SOX5: variants seen among roughly 807,000 people sequenced by gnomAD.
The protein encoded by SOX5 is SRY-box transcription factor 5.
SOX5 carries 9 observed loss-of-function variants against 92.0 expected under a neutral mutation model. The observed-to-expected ratio is 0.10, with a 90% CI of 0.06 to 0.17. The LOEUF (loss-of-function observed/expected upper bound fraction) is 0.17. Ranked by LOEUF, SOX5 falls within the 10% of genes least tolerant of loss-of-function variation. SOX5 has a pLI of 1.00. For missense variants in SOX5, 642 were observed against 944.5 expected (o/e 0.68, Z 4.20); for synonymous variants, 344 against 336.3 (o/e 1.02, Z -0.25).
At chr12:24,239,436 A>AT (rs965133770) in intron 3 of SOX5, among the ~76,000 whole-genome samples, 3 of 152,068 alleles carry the variant, frequency 2.0e-5, no homozygotes, top group Non-Finnish European at 4.4e-5. Flanking sequence ...ATATTCCGAT[A>AT]TTTTTTTCCC....
chr12:23,604,312 A>G lies in SOX5; in HGVS notation c.1164+75T>C, dbSNP rs542570239. 2.0e-5 allele frequency: 30 copies of G among 1,526,828 alleles called. No individual in the cohort carries two copies. In the East Asian group the frequency reaches 6.6e-4, roughly 33 times the overall value. 94.6% of individuals were successfully genotyped at this position (1,526,828 alleles called of 1,614,324 possible). On this transcript the variant is annotated intron_variant, in intron 9 of 14. Coordinates refer to ENST00000451604, the MANE Select transcript of SOX5 (RefSeq NM_006940.6). ...GAGTTTAAGCTAGCTGCTGGCATAC[A>G]ATAGACATTTAATAAATACCATTGA... is the stretch of plus-strand genomic sequence containing the variant.
At chr12:23,547,935 A>G (rs997682551) in intron 11 of SOX5, among the ~76,000 whole-genome samples, 8 of 152,124 alleles carry the variant, frequency 5.3e-5, no homozygotes, top group Non-Finnish European at 1.2e-4. Flanking sequence ...AGCTGAGCTC[A>G]GGAGCATCAA....
chr12:23,537,832 G>T (rs570680584), intron 13 of SOX5, among the ~76,000 whole-genome samples: 1 of 152,130 alleles, frequency 6.6e-6, no homozygotes, highest in Admixed American at 6.5e-5. Flanking sequence ...ATGAAGCTGC[G>T]GACCCTCGCG....
At chr12:23,657,693 A>G (rs995651718) in intron 7 of SOX5, among the ~76,000 whole-genome samples, 2 of 152,202 alleles carry the variant, frequency 1.3e-5, no homozygotes, top group African/African-American at 4.8e-5. Context: ...CAACAAAAAT[A>G]AAAACTTAGA....
intron 7 of SOX5, among the ~76,000 whole-genome samples, chr12:23,655,605 G>C (rs1244044904): frequency 6.6e-6 from 1 of 152,070 alleles, no homozygotes; most frequent in Non-Finnish European, 1.5e-5. Flanking sequence ...TCTAGCCATT[G>C]CACCTTTCTC....
At chr12:23,915,984 G>T (rs1439057936) in intron 1 of SOX5, among the ~76,000 whole-genome samples, 2 of 152,114 alleles carry the variant, frequency 1.3e-5, no homozygotes, top group Non-Finnish European at 2.9e-5. Flanking sequence ...CTTAAGTTTG[G>T]CTTAGATTGA....
At chr12:24,124,443 T>G (rs1054963294) in intron 4 of SOX5, among the ~76,000 whole-genome samples, 2 of 152,050 alleles carry the variant, frequency 1.3e-5, no homozygotes, top group Non-Finnish European at 2.9e-5. Context: ...TTGGGACACT[T>G]CAGTCATTCC....
At chr12:24,156,565 T>C (rs1952192732) in intron 4 of SOX5, among the ~76,000 whole-genome samples, 2 of 152,184 alleles carry the variant, frequency 1.3e-5, no homozygotes, top group South Asian at 2.1e-4. Flanking sequence ...TCCTAATGTT[T>C]ATCTGCTGTA....
At chr12:23,603,665 T>G (rs2074862849) in intron 9 of SOX5, among the ~76,000 whole-genome samples, 1 of 151,774 alleles carries the variant, frequency 6.6e-6, no homozygotes, top group Admixed American at 6.6e-5. Context: ...TTAAAATCAA[T>G]TTTTCTCTCC....
At chr12:23,826,360 G>T (rs766677168) in intron 3 of SOX5, among the ~76,000 whole-genome samples, 1 of 152,186 alleles carries the variant, frequency 6.6e-6, no homozygotes, top group Admixed American at 6.5e-5. Context: ...CCATGCCACC[G>T]AAGGAGAAAA....
chr12:23,741,271 C>T (rs1593904658), intron 4 of SOX5, among the ~76,000 whole-genome samples: 2 of 152,240 alleles, frequency 1.3e-5, no homozygotes, highest in Admixed American at 1.3e-4. Flanking sequence ...GTACATTGGA[C>T]TTCAAATGAA....
intron 6 of SOX5, among the ~76,000 whole-genome samples, chr12:23,713,217 G>T (rs1329105693): frequency 1.3e-5 from 2 of 152,302 alleles, no homozygotes; most frequent in African/African-American, 4.8e-5. Flanking sequence ...GGATGGCCAG[G>T]CGGCTGGCTG....
rs1190614921 is a variant in SOX5 at position 23,533,009 on chromosome 12, A to ATGTT, written c.*1206_*1209dup. The ATGTT allele has an allele frequency of 4.9e-6, 1 of 202,302 alleles. No individual in the cohort carries two copies. The highest frequency in any genetic ancestry group is 1.3e-4 in the East Asian group (1 of 7,926). 12.5% of individuals were successfully genotyped at this position (202,302 alleles called of 1,614,324 possible). On this transcript the variant is annotated 3_prime_UTR_variant, in exon 15 of 15. Coordinates refer to ENST00000451604, the MANE Select transcript of SOX5 (RefSeq NM_006940.6). ...TGGGAGCAGTTTGCTAGTAGCTTCC[A>ATGTT]TGTTATACATGCACACCTCTATTAC... is the stretch of plus-strand genomic sequence containing the variant.
chr12:24,446,762 AAT>A (rs112637761), intron 1 of SOX5, among the ~76,000 whole-genome samples: 2,825 of 152,276 alleles, frequency 0.019, 88 homozygotes, highest in African/African-American at 0.058. Context: ...GGATAAACAT[AAT>A]ATATGTTTTA....
chr12:24,138,747 T>C (rs1950314927), intron 4 of SOX5, among the ~76,000 whole-genome samples: 1 of 152,188 alleles, frequency 6.6e-6, no homozygotes, highest in South Asian at 2.1e-4. Flanking sequence ...AAAGAGCAGA[T>C]AATAATAGGT....
chr12:24,116,223 T>A (rs1396323910), intron 4 of SOX5, among the ~76,000 whole-genome samples: 1 of 152,172 alleles, frequency 6.6e-6, no homozygotes, highest in Non-Finnish European at 1.5e-5. Flanking sequence ...AACATTTATT[T>A]GGCATAAACA....
At chr12:24,341,203 A>G (rs918427754) in intron 2 of SOX5, among the ~76,000 whole-genome samples, 5 of 152,220 alleles carry the variant, frequency 3.3e-5, no homozygotes, top group African/African-American at 1.2e-4. Context: ...CAGGCCAGGC[A>G]TGGTGGCTTA....
At chr12:24,391,245 C>A (rs1490282775) in intron 1 of SOX5, among the ~76,000 whole-genome samples, 2 of 152,014 alleles carry the variant, frequency 1.3e-5, no homozygotes. Flanking sequence ...TTCTTCATGT[C>A]CTTTACCCAC....
intron 4 of SOX5, among the ~76,000 whole-genome samples, chr12:24,188,579 T>C (rs947539623): frequency 6.6e-6 from 1 of 151,952 alleles, no homozygotes; most frequent in African/African-American, 2.4e-5. Flanking sequence ...AAAAATAACC[T>C]GGAAATCAAG....
Sources: gnomAD v4.1 joint callset for allele counts (sites outside exome capture counted in the v4.1 genomes callset) on GRCh38, gnomAD v4.1.1 for gene constraint, MANE v1.5 for transcripts, NCBI Gene and HGNC (gene_info 2026-07-23, HGNC 2026-07-21) for gene names.